EXOC2: variants seen among roughly 807,000 people sequenced by gnomAD.
EXOC2 encodes the protein SEC5-like 1.
Under a neutral mutation model 131.8 loss-of-function variants are expected in EXOC2, and 70 were observed. That is an observed-to-expected ratio of 0.53 (90% confidence interval 0.44 to 0.65). EXOC2 has a LOEUF of 0.65. Among genes scored for constraint, EXOC2 ranks in the 30% least tolerant of loss-of-function variants. The pLI is 0.00. For synonymous variants in EXOC2, 411 were observed against 398.4 expected (o/e 1.03, Z -0.38); for missense variants, 923 against 1,108.6 (o/e 0.83, Z 2.38).
chr6:487,441 C>T (rs930722585), intron 27 of EXOC2, among the ~76,000 whole-genome samples: 3 of 152,070 alleles, frequency 2.0e-5, no homozygotes, highest in African/African-American at 7.2e-5. Context: ...GAGTTTTGCT[C>T]TGTCGCCCAG....
chr6:617,748 A>T lies in EXOC2; in HGVS notation c.624T>A (p.Gly208=). The T allele has an allele frequency of 6.2e-7, 1 of 1,613,422 alleles. No homozygotes were observed. The highest frequency in any genetic ancestry group is 1.1e-5 in the South Asian group (1 of 90,838). Residue 208 remains glycine (G), a synonymous_variant, in exon 6 of 28, where the codon GGT becomes GGA. Coordinates refer to ENST00000230449, the MANE Select transcript of EXOC2 (RefSeq NM_018303.6). ...CCTGTGCTTCGAAGAATGTACTGAG[A>T]CCGCCTTTCACATAGGCCAGGCTGC... is the stretch of plus-strand genomic sequence containing the variant. ...SEGSLAYVKG[G]LSTFFEAQDA...
chr6:574,591 A>G (rs934949409), intron 12 of EXOC2, among the ~76,000 whole-genome samples: 5 of 152,226 alleles, frequency 3.3e-5, no homozygotes, highest in African/African-American at 1.2e-4. Flanking sequence ...GTTGCAGGAA[A>G]AAGTTTTAAA....
At chr6:525,510 A>C (rs1173791657) in intron 23 of EXOC2, 1 of 152,220 alleles carries the variant, frequency 6.6e-6, no homozygotes, top group African/African-American at 2.4e-5. Context: ...ACCTAAATTC[A>C]CCATGTATGC....
rs550591146 is a variant in EXOC2, at chr6:660,190, G to A, written c.-43-22329C>T. Among the ~76,000 whole-genome samples the A allele has an allele frequency of 4.1e-3, 59 of 14,300 alleles. 1 individual carries two copies. The highest frequency in any genetic ancestry group is 0.017 in the African/African-American group (58 of 3,450). The allele number at this position is 14,300 out of a possible 152,430, so 9.4% of individuals were successfully genotyped here. A position where few individuals can be genotyped will look rare whatever the true frequency, so the allele number is the denominator to read the frequency against. ...AAGACCCACCCATCCCCCCCAACCC[G>A]ATGGTCCTTCCCTACCCAACCTGGT... On this transcript the variant is annotated intron_variant, in intron 1 of 27. Transcript: ENST00000230449.
intron 3 of EXOC2, 150 bp from the exon 4 acceptor site, chr6:630,111 TA>T: frequency 3.0e-6 from 3 of 998,606 alleles, no homozygotes; most frequent in Non-Finnish European, 4.0e-6. Flanking sequence ...GCTAAATTTT[TA>T]AAAAATGACT....
intron 23 of EXOC2, among the ~76,000 whole-genome samples, chr6:530,615 T>C (rs1581376965): frequency 6.6e-6 from 1 of 151,728 alleles, no homozygotes; most frequent in Non-Finnish European, 1.5e-5. Flanking sequence ...GGGGCAGAGG[T>C]GAGAGGGACT....
At chr6:535,748 C>T (rs1766405001) in intron 22 of EXOC2, among the ~76,000 whole-genome samples, 1 of 152,098 alleles carries the variant, frequency 6.6e-6, no homozygotes, top group Non-Finnish European at 1.5e-5. Flanking sequence ...ATAGCACACA[C>T]AAACATTTTC....
chr6:556,075 A>C (rs1757403496), intron 18 of EXOC2, 62 bp from the exon 19 acceptor site: 6 of 1,469,228 alleles, frequency 4.1e-6, no homozygotes, highest in Middle Eastern at 1.7e-4. Flanking sequence ...TTTGTATATG[A>C]AGTTAGATAT....
At chr6:533,897 G>C (rs1766261677) in intron 22 of EXOC2, among the ~76,000 whole-genome samples, 1 of 152,182 alleles carries the variant, frequency 6.6e-6, no homozygotes, top group African/African-American at 2.4e-5. Flanking sequence ...ACACGTCTAA[G>C]GGAGTCCGCT....
intron 6 of EXOC2, among the ~76,000 whole-genome samples, chr6:613,138 G>A (rs904519846): frequency 3.3e-5 from 5 of 152,278 alleles, no homozygotes; most frequent in Middle Eastern, 3.4e-3. Flanking sequence ...ATGACAGAGG[G>A]AAGGCCATGG....
chr6:552,975 T>C (rs1033844916), intron 21 of EXOC2, among the ~76,000 whole-genome samples: 9 of 152,194 alleles, frequency 5.9e-5, no homozygotes, highest in Non-Finnish European at 1.0e-4. Flanking sequence ...TGGAGCACAG[T>C]GGAGCCATCT....
intron 22 of EXOC2, among the ~76,000 whole-genome samples, chr6:537,003 A>G (rs1766481264): frequency 6.6e-6 from 1 of 152,242 alleles, no homozygotes; most frequent in Non-Finnish European, 1.5e-5. Flanking sequence ...ACTTCAAGAA[A>G]GAAGCTACCT....
chr6:576,438 A>T (rs1758581566), intron 12 of EXOC2, among the ~76,000 whole-genome samples: 1 of 152,220 alleles, frequency 6.6e-6, no homozygotes, highest in South Asian at 2.1e-4. Flanking sequence ...CATCTTAATG[A>T]AGTTCTCACA....
intron 1 of EXOC2, among the ~76,000 whole-genome samples, chr6:662,627 A>G (rs1190367499): frequency 2.6e-5 from 4 of 152,216 alleles, no homozygotes; most frequent in African/African-American, 4.8e-5. Flanking sequence ...GACACAACCT[A>G]TCAAAACCTC....
chr6:649,193 A>G (rs369394375), intron 1 of EXOC2, among the ~76,000 whole-genome samples: 1 of 152,194 alleles, frequency 6.6e-6, no homozygotes, highest in Admixed American at 6.5e-5. Flanking sequence ...CCCGGCCACA[A>G]ACTAATTTTA....
chr6:652,471 G>C (rs188892014), intron 1 of EXOC2, among the ~76,000 whole-genome samples: 13 of 152,220 alleles, frequency 8.5e-5, no homozygotes, highest in Admixed American at 7.8e-4. Flanking sequence ...TAAAAATGTA[G>C]TCATGGGAAT....
intron 2 of EXOC2, among the ~76,000 whole-genome samples, chr6:637,030 G>A (rs188112237): frequency 5.9e-5 from 9 of 152,276 alleles, no homozygotes; most frequent in Admixed American, 4.6e-4. Flanking sequence ...AGTAAAGGCC[G>A]CCACATCATG....
intron 1 of EXOC2, among the ~76,000 whole-genome samples, chr6:688,151 A>G (rs1420860421): frequency 6.6e-6 from 1 of 152,200 alleles, no homozygotes; most frequent in African/African-American, 2.4e-5. Flanking sequence ...AGGTGGCAAG[A>G]CCGCTTGCTA....
intron 2 of EXOC2, among the ~76,000 whole-genome samples, chr6:636,874 A>G (rs1024291672): frequency 3.3e-5 from 5 of 152,204 alleles, no homozygotes; most frequent in African/African-American, 1.2e-4. Flanking sequence ...ATACCCGTGT[A>G]TATTTTTAAA....
Sources: gnomAD v4.1 joint callset for allele counts (sites outside exome capture counted in the v4.1 genomes callset) on GRCh38, gnomAD v4.1.1 for gene constraint, MANE v1.5 for transcripts, NCBI Gene and HGNC (gene_info 2026-07-23, HGNC 2026-07-21) for gene names.